Variants in SLC8A2 observed in about 807,000 individuals in gnomAD.
The protein encoded by SLC8A2 is solute carrier family 8 member A2, also known as sodium/calcium exchanger 2.
SLC8A2 carries 14 observed loss-of-function variants against 70.2 expected under a neutral mutation model. The observed-to-expected ratio is 0.20, with a 90% CI of 0.13 to 0.31. The LOEUF (loss-of-function observed/expected upper bound fraction) is 0.31, where lower values mean the gene tolerates loss of function less well. SLC8A2 is among the 10% of genes least tolerant of loss of function. The pLI, the probability that SLC8A2 is intolerant of heterozygous loss-of-function variation, is 1.00. For synonymous variants in SLC8A2, 575 were observed against 594.3 expected (o/e 0.97, Z 0.47); for missense variants, 779 against 1,320.1 (o/e 0.59, Z 6.35).
rs1029150957 is a variant in SLC8A2 at position 47,448,984 on chromosome 19, A to G, written c.1341-753T>C. Reference sequence around the variant, plus strand: ...GGGTTCACAGCCCCATGGGAGAGCCATATCACCATGACAATTGCACATTTA... The same window carrying G: ...GGGTTCACAGCCCCATGGGAGAGCCGTATCACCATGACAATTGCACATTTA... On this transcript the variant is annotated intron_variant, in intron 3 of 9. Transcript: ENST00000236877. This position sits in a 1 kb window ranked among gnomAD's most constrained non-coding sequence, Gnocchi z 4.8. Among the ~76,000 whole-genome samples, 3 of 152,226 alleles carry G rather than the reference A, an allele frequency of 2.0e-5. No homozygotes were observed. Among genetic ancestry groups the G allele is most frequent in the Non-Finnish European group, 2.9e-5 (2 of 68,042 alleles).
In SLC8A2 at chr19:47,448,743, T is replaced by C. The variant is rs1038086413; in HGVS notation, c.1341-512A>G. 6.6e-6 allele frequency among the ~76,000 whole-genome samples: 1 copy of C among 152,192 alleles called. No individual in the cohort carries two copies. Among genetic ancestry groups the C allele is most frequent in the Non-Finnish European group, 1.5e-5 (1 of 68,032 alleles). The stretch of plus-strand genomic sequence containing the variant: ...CGCATTTCTAACGAGCTCCAGGGGA[T>C]GTCCTGGTCACATTTTAAGTGGCAG... On this transcript the variant is annotated intron_variant, in intron 3 of 9. Transcript: ENST00000236877. The surrounding 1 kb of genome is among the most constrained non-coding windows in gnomAD (Gnocchi z 4.8).
In SLC8A2 at chr19:47,465,451, A is replaced by C. The variant is rs1473262205; in HGVS notation, c.675+278T>G. Among the ~76,000 whole-genome samples the C allele has an allele frequency of 2.6e-5, 4 of 152,086 alleles. No homozygotes were observed. The South Asian group carries it at 8.3e-4, about 31-fold the overall frequency. ...AAGTGAGTGTACTGTTCTTAAGTGCAAAACAGTGCGTCCCTCTGGACAAAT... is the reference window on the plus strand; with the variant it reads ...AAGTGAGTGTACTGTTCTTAAGTGCCAAACAGTGCGTCCCTCTGGACAAAT... On this transcript the variant is annotated intron_variant, in intron 2 of 9. Transcript: ENST00000236877. The surrounding 1 kb of genome is among the most constrained non-coding windows in gnomAD (Gnocchi z 5.5).
chr19:47,433,157 A>C (rs1289992786), intron 8 of SLC8A2, among the ~76,000 whole-genome samples: 2 of 152,214 alleles, frequency 1.3e-5, no homozygotes, highest in Non-Finnish European at 2.9e-5. Context: ...CCATACCCCT[A>C]GCTAAAATTA....
At chr19:47,461,715 C>T (rs1030304454) in intron 2 of SLC8A2, among the ~76,000 whole-genome samples, 8 of 152,228 alleles carry the variant, frequency 5.3e-5, no homozygotes, top group Non-Finnish European at 1.2e-4. Context: ...GAACTCTCTC[C>T]CTTGTATTAA....
At chr19:47,436,960 C>G (rs946314573) in intron 8 of SLC8A2, among the ~76,000 whole-genome samples, 2 of 152,158 alleles carry the variant, frequency 1.3e-5, no homozygotes, top group African/African-American at 2.4e-5. Flanking sequence ...TCCCACCCTC[C>G]TGATGCCTGA....
chr19:47,432,089 TCATTTTGG>T lies in SLC8A2; in HGVS notation c.2389+70_2389+77del. On this transcript the variant is annotated intron_variant, in intron 9 of 9. Transcript: ENST00000236877. This position sits in a 1 kb window ranked among gnomAD's most constrained non-coding sequence, Gnocchi z 6.2. ...TGGGCGCTGTGTGACTCCACCCACC[TCATTTTGG>T]CAGGATCCTGTGTTGCCCCTGCCTG... 1 of 1,380,044 alleles carries T rather than the reference TCATTTTGG, an allele frequency of 7.2e-7. No homozygotes were observed. Among genetic ancestry groups the T allele is most frequent in the Non-Finnish European group, 9.9e-7 (1 of 1,008,464 alleles). 85.5% of individuals were successfully genotyped at this position (1,380,044 alleles called of 1,614,324 possible).
chr19:47,465,077 T>C lies in SLC8A2; in HGVS notation c.675+652A>G, dbSNP rs1293321948. ...GCATAAATTATCCCAACATCAGAAA[T>C]TGATGATGAATAATGAATGAATTAT... On this transcript the variant is annotated intron_variant, in intron 2 of 9. Transcript: ENST00000236877. This position sits in a 1 kb window ranked among gnomAD's most constrained non-coding sequence, Gnocchi z 5.5. Among the ~76,000 whole-genome samples, 4 of 152,154 alleles carry C rather than the reference T, an allele frequency of 2.6e-5. No homozygotes were observed. In the East Asian group the frequency reaches 7.7e-4, roughly 29 times the overall value.
Position 47,466,263 on chromosome 19 carries a change from G to A in SLC8A2, c.141C>T (p.Tyr47=). Residue 47 remains tyrosine (Y), a synonymous_variant, in exon 2 of 10, where the codon TAC becomes TAT. Transcript: ENST00000236877. The surrounding 1 kb of genome is among the most constrained non-coding windows in gnomAD (Gnocchi z 6.9). ...GCAGCAGCACCCCCGGCTGGCAGCG[G>A]TAGGACCCCTGGCAGCCCCCTGTGC... ...DTSTGGCQGS[Y]RCQPGVLLPV... The A allele has an allele frequency of 6.3e-7, 1 of 1,584,248 alleles. No individual in the cohort carries two copies. The highest frequency in any genetic ancestry group is 8.6e-7 in the Non-Finnish European group (1 of 1,163,030).
chr19:47,440,066 T>C (rs1010872121), intron 6 of SLC8A2, among the ~76,000 whole-genome samples: 1 of 152,210 alleles, frequency 6.6e-6, no homozygotes, highest in East Asian at 1.9e-4. Flanking sequence ...AATCTAACTC[T>C]AATCCTAACC....
In SLC8A2 at chr19:47,437,466, G is replaced by C; in HGVS notation, c.2106C>G (p.Ser702Arg). The change falls in exon 8 of 10, where the codon AGC becomes AGG. Residue 702 changes from serine (S) to arginine (R), a missense_variant. Ser to Arg is a moderately radical substitution (Grantham distance 110). Around this residue, in one of 6 missense-constraint regions of SLC8A2, gnomAD observed 247 missense variants for 362.8 expected, o/e 0.68. Transcript: ENST00000236877. ...REQFLEAITV[S>R]AGDEEEEEDG... ...CTCTCCTCCCTCCCCACTTACCTGC[G>C]CTCACCGTAATTGCCTCTAAAAACT... 1.9e-6 allele frequency: 3 copies of C among 1,599,884 alleles called. No individual in the cohort carries two copies. The highest frequency in any genetic ancestry group is 2.6e-6 in the Non-Finnish European group (3 of 1,167,344).
intron 3 of SLC8A2, among the ~76,000 whole-genome samples, chr19:47,455,074 C>T (rs573058082): frequency 5.3e-5 from 8 of 150,886 alleles, no homozygotes; most frequent in African/African-American, 7.3e-5. Flanking sequence ...GCAACAAGTG[C>T]GAAACTCTGA....
In SLC8A2 at chr19:47,447,381, G is replaced by C; in HGVS notation, c.1763+428C>G. 1 of 227,076 alleles carries C rather than the reference G, an allele frequency of 4.4e-6. No homozygotes were observed. The highest frequency in any genetic ancestry group is 8.7e-6 in the Non-Finnish European group (1 of 114,854). 14.1% of individuals were successfully genotyped at this position (227,076 alleles called of 1,614,324 possible). A position where few individuals can be genotyped will look rare whatever the true frequency, so the allele number is the denominator to read the frequency against. On this transcript the variant is annotated intron_variant, in intron 4 of 9. Coordinates refer to ENST00000236877, the MANE Select transcript of SLC8A2 (RefSeq NM_015063.3). This position sits in a 1 kb window ranked among gnomAD's most constrained non-coding sequence, Gnocchi z 5.1. ...CCCCACACCGCTCTCCCCAGGCCCC[G>C]TCCCATCTCTCCTCACCTCGTCCCC... is the stretch of plus-strand genomic sequence containing the variant.
intron 2 of SLC8A2, among the ~76,000 whole-genome samples, chr19:47,460,159 G>T (rs963354047): frequency 1.3e-5 from 2 of 152,122 alleles, no homozygotes; most frequent in Non-Finnish European, 2.9e-5. Context: ...CTTAGCATTT[G>T]CCTGGCCCTC....
At chr19:47,470,348 T>TACACACACACACAC (rs71180846) in intron 1 of SLC8A2, among the ~76,000 whole-genome samples, 116 of 139,406 alleles carry the variant, frequency 8.3e-4, no homozygotes, top group African/African-American at 2.2e-3. Context: ...GGAGACATCA[T>TACACACACACACAC]ACACACACAC....
intron 8 of SLC8A2, among the ~76,000 whole-genome samples, chr19:47,436,373 C>T (rs1370723670): frequency 6.6e-6 from 1 of 152,214 alleles, no homozygotes; most frequent in Non-Finnish European, 1.5e-5. Flanking sequence ...CCAGAAATCA[C>T]TTCTGTGTCC....
chr19:47,465,347 C>G lies in SLC8A2; in HGVS notation c.675+382G>C, dbSNP rs187931497. ...GAGTGTAGGAAAACATGTGAACATA[C>G]GTAGCATGCATTACACAGATCACAG... On this transcript the variant is annotated intron_variant, in intron 2 of 9. Transcript: ENST00000236877. This position sits in a 1 kb window ranked among gnomAD's most constrained non-coding sequence, Gnocchi z 5.5. Among the ~76,000 whole-genome samples the G allele has an allele frequency of 6.6e-6, 1 of 152,184 alleles. No homozygotes were observed. The highest frequency in any genetic ancestry group is 2.4e-5 in the African/African-American group (1 of 41,456).
At chr19:47,437,769 T>C (rs991779916) in intron 7 of SLC8A2, 80 bp downstream of exon 7, 1 of 1,554,556 alleles carries the variant, frequency 6.4e-7, no homozygotes, top group South Asian at 1.1e-5. Flanking sequence ...TTAGGAACCT[T>C]GTGGCTCCCC....
At chr19:47,440,174 C>T (rs1967084132) in intron 6 of SLC8A2, among the ~76,000 whole-genome samples, 3 of 152,116 alleles carry the variant, frequency 2.0e-5, no homozygotes. Flanking sequence ...GACCTTGGCC[C>T]CAATTCTAAC....
intron 8 of SLC8A2, among the ~76,000 whole-genome samples, chr19:47,436,728 C>T (rs1160316186): frequency 6.6e-6 from 1 of 152,206 alleles, no homozygotes; most frequent in African/African-American, 2.4e-5. Flanking sequence ...GAGCCTCAGT[C>T]TCCCCAGTCC....
Sources: allele counts gnomAD v4.1 joint callset (sites outside exome capture counted in the v4.1 genomes callset), GRCh38; gene constraint gnomAD v4.1.1; regional missense constraint gnomAD v4.1.1; non-coding constraint Gnocchi (gnomAD v3.1); transcripts MANE v1.5; gene names NCBI Gene and HGNC (gene_info 2026-07-23, HGNC 2026-07-21).